The following FBXW7 variants were observed in gnomAD, a reference collection of about 807,000 sequenced individuals.
FBXW7 encodes the protein F-box and WD repeat domain containing 7.
FBXW7 carries 11 observed loss-of-function variants against 86.3 expected under a neutral mutation model. The ratio of observed to expected loss-of-function variants is 0.13; its 90% CI spans 0.08 to 0.21. The LOEUF (loss-of-function observed/expected upper bound fraction) is 0.21, where lower values mean the gene tolerates loss of function less well. FBXW7 is among the 10% of genes least tolerant of loss of function. The pLI is 1.00. For synonymous variants in FBXW7, 313 were observed against 297.9 expected, an observed-to-expected ratio of 1.05 and a Z score of -0.52; for missense variants, 488 against 847.4, an observed-to-expected ratio of 0.58 and a Z score of 5.27.
chr4:152,492,263 C>A (rs1745930461), intron 2 of FBXW7, among the ~76,000 whole-genome samples: 1 of 152,098 alleles, frequency 6.6e-6, no homozygotes, highest in Admixed American at 6.6e-5. Context: ...TATGAATATA[C>A]CAAAAAATTT....
At chr4:152,435,230 GTCT>G (rs1232672155) in intron 2 of FBXW7, among the ~76,000 whole-genome samples, 1 of 152,130 alleles carries the variant, frequency 6.6e-6, no homozygotes, top group Non-Finnish European at 1.5e-5. Context: ...ATATCAGACT[GTCT>G]ATTCCTCAGA....
intron 4 of FBXW7, among the ~76,000 whole-genome samples, chr4:152,360,784 C>A (rs137993435): frequency 6.6e-6 from 1 of 150,854 alleles, no homozygotes; most frequent in South Asian, 2.1e-4. Flanking sequence ...TATGTGTGTG[C>A]GCACTGTGTA....
At chr4:152,432,614 C>G (rs1740010091) in intron 2 of FBXW7, among the ~76,000 whole-genome samples, 1 of 151,988 alleles carries the variant, frequency 6.6e-6, no homozygotes, top group African/African-American at 2.4e-5. Flanking sequence ...CAAGACCAGC[C>G]TGACCAACAT....
At chr4:152,335,008 G>A (rs1347944678) in intron 7 of FBXW7, among the ~76,000 whole-genome samples, 1 of 152,164 alleles carries the variant, frequency 6.6e-6, no homozygotes, top group Non-Finnish European at 1.5e-5. Flanking sequence ...TGTCTTACAA[G>A]GTTTTGAATT....
At chr4:152,342,310 A>C (rs1165646716) in intron 6 of FBXW7, among the ~76,000 whole-genome samples, 2 of 152,202 alleles carry the variant, frequency 1.3e-5, no homozygotes. Context: ...GTAGAACAAC[A>C]TGGAAGTCTC....
At chr4:152,360,395 T>C (rs988824901) in intron 4 of FBXW7, among the ~76,000 whole-genome samples, 2 of 152,140 alleles carry the variant, frequency 1.3e-5, no homozygotes, top group African/African-American at 4.8e-5. Context: ...TTCATTGAAA[T>C]TGTATATTCC....
chr4:152,391,627 T>C (rs1001340231), intron 4 of FBXW7, among the ~76,000 whole-genome samples: 1 of 152,064 alleles, frequency 6.6e-6, no homozygotes, highest in African/African-American at 2.4e-5. Flanking sequence ...ACTGGAACAA[T>C]GATAAGGGGA....
chr4:152,358,255 T>A (rs993781773), intron 4 of FBXW7, among the ~76,000 whole-genome samples: 1 of 152,158 alleles, frequency 6.6e-6, no homozygotes, highest in Non-Finnish European at 1.5e-5. Flanking sequence ...GAATTTAACA[T>A]GGAGAAAGAA....
chr4:152,385,687 G>GT (rs776261255), intron 4 of FBXW7, among the ~76,000 whole-genome samples: 14 of 152,130 alleles, frequency 9.2e-5, no homozygotes, highest in South Asian at 2.1e-4. Flanking sequence ...CAAATGTGGA[G>GT]TTTTTTAGTG....
intron 4 of FBXW7, among the ~76,000 whole-genome samples, chr4:152,387,708 C>CTCTTTTTT (rs1735655263): frequency 1.8e-5 from 2 of 112,796 alleles, no homozygotes; most frequent in African/African-American, 7.1e-5. Context: ...CATGGCATAC[C>CTCTTTTTT]TTTTTTTTTT....
chr4:152,357,876 GAATAA>G (rs1732552652), intron 4 of FBXW7, among the ~76,000 whole-genome samples: 1 of 152,072 alleles, frequency 6.6e-6, no homozygotes. Context: ...GCCAGCCACA[GAATAA>G]AATAATATGG....
In FBXW7 at chr4:152,328,374, C is replaced by A. The variant is rs755422880; in HGVS notation, c.1252G>T (p.Val418Leu). The change falls in exon 11 of 14, where the codon GTG (valine) becomes TTG (leucine). Residue 418 changes from valine to leucine, a missense_variant. Physicochemically the swap from Val to Leu is conservative, Grantham distance 32. Around this residue, in one of 4 missense-constraint regions of FBXW7, gnomAD observed 142 missense variants for 406.6 expected, o/e 0.35. Transcript: ENST00000281708. Reference protein sequence around the residue: ...AVTGKCLRTLVGHTGGVWSSQ... With the variant: ...AVTGKCLRTLLGHTGGVWSSQ... ...GACCATACTCCACCTGTATGTCCCA[C>A]TAATGTTCTCAGACACTGGAAAAAC... 3.2e-6 allele frequency: 5 copies of A among 1,543,384 alleles called. No homozygotes were observed. The highest frequency in any genetic ancestry group is 4.4e-6 in the Non-Finnish European group (5 of 1,148,820).
Position 152,347,073 on chromosome 4 carries a change from TAC to T in FBXW7, c.585-4_585-3del, listed in dbSNP as rs2126636698. 3.6e-6 allele frequency: 5 copies of T among 1,377,840 alleles called. No homozygotes were observed. Among genetic ancestry groups the T allele is most frequent in the Non-Finnish European group, 2.8e-6 (3 of 1,067,334 alleles). The allele number at this position is 1,377,840 out of a possible 1,614,324, so 85.4% of individuals were successfully genotyped here. A position where few individuals can be genotyped will look rare whatever the true frequency, so the allele number is the denominator to read the frequency against. ...GAACATGGTACAAGCCCAGTGGTAC[TAC>T]AAAAAAAAAAAAAAGAGAGAGAGAA... is the stretch of plus-strand genomic sequence containing the variant. On this transcript the variant is annotated splice_polypyrimidine_tract_variant and splice_region_variant and intron_variant, in intron 5 of 13. Transcript: ENST00000281708.
chr4:152,500,546 T>C (rs1746841459), intron 2 of FBXW7, among the ~76,000 whole-genome samples: 1 of 151,582 alleles, frequency 6.6e-6, no homozygotes, highest in African/African-American at 2.4e-5. Context: ...ATATAATCCT[T>C]TTCTTCCCAT....
intron 2 of FBXW7, among the ~76,000 whole-genome samples, chr4:152,474,858 G>T (rs1744255727): frequency 1.3e-5 from 2 of 152,178 alleles, no homozygotes; most frequent in East Asian, 3.9e-4. Flanking sequence ...TAGAGACGGG[G>T]TTTCACCATG....
chr4:152,321,382 C>T lies in FBXW7; in HGVS notation c.*1499G>A, dbSNP rs1340153931. The T allele has an allele frequency of 8.6e-6, 2 of 232,656 alleles. No homozygotes were observed. The highest frequency in any genetic ancestry group is 2.2e-5 in the African/African-American group (1 of 45,254). The allele number at this position is 232,656 out of a possible 1,614,324, so 14.4% of individuals were successfully genotyped here. A position where few individuals can be genotyped will look rare whatever the true frequency, so the allele number is the denominator to read the frequency against. On this transcript the variant is annotated 3_prime_UTR_variant, in exon 14 of 14. Transcript: ENST00000281708. ...TCCATCATGTCAGGTTGTTACATAA[C>T]TAAAATTAACCAACTTGAATCTGAT...
At chr4:152,446,622 T>C (rs1364812636) in intron 2 of FBXW7, among the ~76,000 whole-genome samples, 2 of 152,232 alleles carry the variant, frequency 1.3e-5, no homozygotes, top group Non-Finnish European at 2.9e-5. Context: ...GCAGCTCCAC[T>C]GAGGCTAGAA....
chr4:152,368,549 T>G (rs1733704473), intron 4 of FBXW7, among the ~76,000 whole-genome samples: 1 of 152,094 alleles, frequency 6.6e-6, no homozygotes, highest in African/African-American at 2.4e-5. Context: ...TTTAAATGTT[T>G]TAAGTCTCAA....
intron 4 of FBXW7, among the ~76,000 whole-genome samples, chr4:152,393,347 GC>G (rs1736152234): frequency 6.6e-6 from 1 of 152,026 alleles, no homozygotes; most frequent in African/African-American, 2.4e-5. Context: ...GAGTAAAGAA[GC>G]ACAAAAATAT....
Sources: allele counts gnomAD v4.1 joint callset (sites outside exome capture counted in the v4.1 genomes callset), GRCh38; gene constraint gnomAD v4.1.1; regional missense constraint gnomAD v4.1.1; transcripts MANE v1.5; gene names NCBI Gene and HGNC (gene_info 2026-07-23, HGNC 2026-07-21).